The following LSAMP variants were observed in gnomAD, a reference collection of about 807,000 sequenced individuals.
The protein encoded by LSAMP is limbic system associated membrane protein.
A neutral mutation model predicts 38.6 loss-of-function variants in LSAMP; 7 were observed. The observed-to-expected ratio is 0.18, with a 90% CI of 0.10 to 0.34. The LOEUF (loss-of-function observed/expected upper bound fraction) is 0.34. Among genes scored for constraint, LSAMP ranks in the 10% least tolerant of loss-of-function variants. The pLI is 1.00. For missense variants in LSAMP, 313 were observed against 420.0 expected (o/e 0.75, Z 2.23); for synonymous variants, 154 against 166.8 (o/e 0.92, Z 0.59).
At chr3:115,926,426 T>C (rs1937500452) in intron 3 of LSAMP, among the ~76,000 whole-genome samples, 1 of 152,172 alleles carries the variant, frequency 6.6e-6, no homozygotes. Context: ...TACATAAACA[T>C]TTTTCTAGCA....
chr3:116,155,036 T>C (rs1192093664), intron 1 of LSAMP, among the ~76,000 whole-genome samples: 1 of 152,012 alleles, frequency 6.6e-6, no homozygotes, highest in East Asian at 1.9e-4. Context: ...TGTTTTTTGT[T>C]TTTTGTCTTT....
intron 1 of LSAMP, among the ~76,000 whole-genome samples, chr3:116,280,800 C>T (rs568799742): frequency 1.3e-5 from 2 of 152,126 alleles, no homozygotes; most frequent in African/African-American, 2.4e-5. Flanking sequence ...AGTGGCCATT[C>T]GGCACAAACT....
chr3:115,956,650 GTCAGTTTATTTTCAAGATAAAAA>G (rs909800486), intron 3 of LSAMP, among the ~76,000 whole-genome samples: 1 of 152,126 alleles, frequency 6.6e-6, no homozygotes, highest in African/African-American at 2.4e-5. Context: ...TTAGGTTTAT[GTCAGTTTATTTTCAAGATAAAAA>G]TCCAAAAGGC....
intron 1 of LSAMP, among the ~76,000 whole-genome samples, chr3:116,089,518 C>T (rs1708071338): frequency 6.6e-6 from 1 of 152,044 alleles, no homozygotes; most frequent in Non-Finnish European, 1.5e-5. Flanking sequence ...CCACCACGCC[C>T]GCCTAATTTT....
chr3:115,878,067 C>A (rs1308522416), intron 3 of LSAMP, among the ~76,000 whole-genome samples: 1 of 152,090 alleles, frequency 6.6e-6, no homozygotes, highest in African/African-American at 2.4e-5. Context: ...GATTGTTCTG[C>A]AGTATATGTG....
chr3:116,082,751 CT>C (rs1404324130), intron 2 of LSAMP, among the ~76,000 whole-genome samples: 1 of 152,138 alleles, frequency 6.6e-6, no homozygotes, highest in African/African-American at 2.4e-5. Context: ...GTAGGTGGGG[CT>C]GTAGGCTATC....
intron 1 of LSAMP, among the ~76,000 whole-genome samples, chr3:116,146,244 T>C (rs1709487479): frequency 6.6e-6 from 1 of 151,916 alleles, no homozygotes; most frequent in South Asian, 2.1e-4. Context: ...CTATAAAACA[T>C]GTATCTCCTG....
At chr3:115,870,155 A>C (rs1430588199) in intron 3 of LSAMP, among the ~76,000 whole-genome samples, 1 of 152,150 alleles carries the variant, frequency 6.6e-6, no homozygotes, top group South Asian at 2.1e-4. Context: ...GGCTGCTTTC[A>C]GTTACAATGA....
intron 1 of LSAMP, among the ~76,000 whole-genome samples, chr3:116,241,742 T>C (rs551198493): frequency 5.3e-5 from 8 of 152,312 alleles, no homozygotes; most frequent in African/African-American, 1.9e-4. Flanking sequence ...TTTCTGAGGG[T>C]TGGGTGCATC....
In LSAMP at chr3:116,191,640, G is replaced by A. The variant is rs1710757197; in HGVS notation, c.156-105084C>T. Among the ~76,000 whole-genome samples, 3 of 151,636 alleles carry A rather than the reference G, an allele frequency of 2.0e-5. No individual in the cohort carries two copies. The Admixed American group carries it at 2.0e-4, about 10-fold the overall frequency. On this transcript the variant is annotated intron_variant, in intron 1 of 6. Transcript: ENST00000490035. ...TTAGGAAATGGAAGTAATTTCCTTG[G>A]CCCATCTAGTTTCCGGGTTTAGCTC...
At chr3:115,870,988 T>C (rs1008277247) in intron 3 of LSAMP, among the ~76,000 whole-genome samples, 1 of 152,098 alleles carries the variant, frequency 6.6e-6, no homozygotes, top group Non-Finnish European at 1.5e-5. Flanking sequence ...ACTCATTACA[T>C]GAAATCACAG....
intron 3 of LSAMP, among the ~76,000 whole-genome samples, chr3:115,907,308 G>A (rs1937030087): frequency 6.6e-6 from 1 of 152,038 alleles, no homozygotes; most frequent in African/African-American, 2.4e-5. Flanking sequence ...TAAAAGATGA[G>A]CCCTCTGGGA....
intron 3 of LSAMP, among the ~76,000 whole-genome samples, chr3:115,876,069 TGAG>T (rs940313856): frequency 6.6e-5 from 10 of 152,068 alleles, no homozygotes; most frequent in Non-Finnish European, 1.2e-4. Context: ...AGAGCTCTGT[TGAG>T]GAGATTTGTC....
rs181396446 is a variant in LSAMP at position 116,273,995 on chromosome 3, G to C, written c.155+170882C>G. On this transcript the variant is annotated intron_variant, in intron 1 of 6. Coordinates refer to ENST00000490035, the MANE Select transcript of LSAMP (RefSeq NM_002338.5). Reference sequence around the variant, plus strand: ...TAAGATTCTCCACTGCTTCCTATCTGTTATTTTCCATTTACAGCACTTCTC... The same window carrying C: ...TAAGATTCTCCACTGCTTCCTATCTCTTATTTTCCATTTACAGCACTTCTC... Among the ~76,000 whole-genome samples the C allele has an allele frequency of 8.6e-5, 13 of 151,864 alleles. No homozygotes were observed. The East Asian group carries it at 2.5e-3, about 30-fold the overall frequency.
At chr3:116,099,269 C>T (rs1354594589) in intron 1 of LSAMP, among the ~76,000 whole-genome samples, 1 of 152,132 alleles carries the variant, frequency 6.6e-6, no homozygotes, top group African/African-American at 2.4e-5. Flanking sequence ...CTTGCTCTGT[C>T]CCTGGGCTAG....
chr3:116,219,335 C>A (rs1490154026), intron 1 of LSAMP, among the ~76,000 whole-genome samples: 1 of 152,128 alleles, frequency 6.6e-6, no homozygotes, highest in Admixed American at 6.6e-5. Flanking sequence ...GCCAAACTGT[C>A]TTTATCTGTT....
At chr3:115,874,638 A>G (rs1457218272) in intron 3 of LSAMP, among the ~76,000 whole-genome samples, 1 of 152,136 alleles carries the variant, frequency 6.6e-6, no homozygotes, top group East Asian at 1.9e-4. Flanking sequence ...CTAGATGCTG[A>G]GTGAAGACAC....
chr3:115,946,724 C>A (rs1938109508), intron 3 of LSAMP, among the ~76,000 whole-genome samples: 1 of 151,794 alleles, frequency 6.6e-6, no homozygotes. Flanking sequence ...AAATCTGAAG[C>A]AAAATCTCTT....
chr3:116,146,151 T>G (rs1379869352), intron 1 of LSAMP, among the ~76,000 whole-genome samples: 1 of 151,906 alleles, frequency 6.6e-6, no homozygotes, highest in Non-Finnish European at 1.5e-5. Context: ...GCAGGCTTTT[T>G]AAAGTTCTAG....
Sources: gnomAD v4.1 joint callset for allele counts (sites outside exome capture counted in the v4.1 genomes callset) on GRCh38, gnomAD v4.1.1 for gene constraint, MANE v1.5 for transcripts, NCBI Gene and HGNC (gene_info 2026-07-23, HGNC 2026-07-21) for gene names.